Variants in PCDHA13 observed in about 807,000 individuals in gnomAD.
PCDHA13 encodes the protein protocadherin alpha-13.
A neutral mutation model predicts 64.8 loss-of-function variants in PCDHA13; 54 were observed. The observed-to-expected ratio is 0.83, with a 90% CI of 0.67 to 1.04. The LOEUF (loss-of-function observed/expected upper bound fraction) is 1.04, where lower values mean the gene tolerates loss of function less well. PCDHA13 is among the 50% of genes least tolerant of loss of function. The probability of loss-of-function intolerance (pLI) is 0.00; values close to 1 mark genes in which losing one functional copy is unlikely to be tolerated. For missense variants in PCDHA13, 1,248 were observed against 1,254.3 expected (o/e 0.99, Z 0.08); for synonymous variants, 587 against 564.4 (o/e 1.04, Z -0.57).
intron 1 of PCDHA13, among the ~76,000 whole-genome samples, chr5:140,926,076 T>C (rs2082906284): frequency 1.3e-5 from 2 of 152,204 alleles, no homozygotes; most frequent in Admixed American, 1.3e-4. Context: ...TCGTCTCTAT[T>C]GCCCTCTTGG....
chr5:140,966,516 G>A (rs967570115), intron 1 of PCDHA13: 27 of 436,614 alleles, frequency 6.2e-5, no homozygotes, highest in Admixed American at 4.4e-4. Flanking sequence ...GCAGCAGCAG[G>A]AAGCCGAGCC....
chr5:140,891,667 A>T (rs2153435107), intron 1 of PCDHA13, among the ~76,000 whole-genome samples: 1 of 152,286 alleles, frequency 6.6e-6, no homozygotes, highest in African/African-American at 2.4e-5. Flanking sequence ...CCCACCTTAA[A>T]GTTTAATAAT....
intron 1 of PCDHA13, among the ~76,000 whole-genome samples, chr5:140,955,070 G>A (rs755676357): frequency 2.2e-4 from 34 of 152,166 alleles, no homozygotes; most frequent in Non-Finnish European, 4.1e-4. Context: ...GTTTGTTGAA[G>A]ATCAGATGGT....
At chr5:140,902,594 A>G (rs1208012043) in intron 1 of PCDHA13, among the ~76,000 whole-genome samples, 1 of 152,112 alleles carries the variant, frequency 6.6e-6, no homozygotes, top group Non-Finnish European at 1.5e-5. Context: ...TTTGGGAAAC[A>G]GGTCGTTTTC....
Position 141,010,190 on chromosome 5 carries a change from C to G in PCDHA13, c.*253C>G. On this transcript the variant is annotated 3_prime_UTR_variant, in exon 4 of 4. Transcript: ENST00000289272. ...GAACCTAAAAAGCAGACCCAAGTTT[C>G]CTTTCTCCTCCGCCGCAAAGGAGAG... 1 of 1,552,504 alleles carries G rather than the reference C, an allele frequency of 6.4e-7. No individual in the cohort carries two copies. Among genetic ancestry groups the G allele is most frequent in the East Asian group, 2.4e-5 (1 of 40,930 alleles).
chr5:141,005,049 T>C (rs1248594838), intron 3 of PCDHA13, among the ~76,000 whole-genome samples: 6 of 152,264 alleles, frequency 3.9e-5, no homozygotes, highest in African/African-American at 1.4e-4. Context: ...TACCATTTAC[T>C]GAATTCTTGC....
At chr5:140,991,026 T>A (rs1003749305) in intron 3 of PCDHA13, among the ~76,000 whole-genome samples, 8 of 152,210 alleles carry the variant, frequency 5.3e-5, no homozygotes, top group Admixed American at 2.0e-4. Context: ...ACTTTACATA[T>A]GTTGCATACT....
chr5:140,950,865 T>C (rs1419138561), intron 1 of PCDHA13, among the ~76,000 whole-genome samples: 1 of 152,098 alleles, frequency 6.6e-6, no homozygotes, highest in Non-Finnish European at 1.5e-5. Context: ...TTCTTGTATA[T>C]TCTATATTGT....
At chr5:140,986,946 G>A (rs544796668) in intron 3 of PCDHA13, among the ~76,000 whole-genome samples, 9 of 152,230 alleles carry the variant, frequency 5.9e-5, no homozygotes, top group South Asian at 2.1e-4. Context: ...GGGTGTGGTC[G>A]CTCATGCCTG....
chr5:140,884,798 A>C, intron 1 of PCDHA13, 136 bp downstream of exon 1: 3 of 1,275,332 alleles, frequency 2.4e-6, no homozygotes, highest in Non-Finnish European at 3.2e-6. Flanking sequence ...TATCGAATTT[A>C]ACAACTCTGC....
At chr5:140,905,986 T>G (rs2072268646) in intron 1 of PCDHA13, among the ~76,000 whole-genome samples, 1 of 152,198 alleles carries the variant, frequency 6.6e-6, no homozygotes, top group Non-Finnish European at 1.5e-5. Flanking sequence ...GGGAGAAAGA[T>G]GTAGGCTGGG....
intron 1 of PCDHA13, among the ~76,000 whole-genome samples, chr5:140,973,346 T>C (rs1554235179): frequency 1.3e-5 from 2 of 152,198 alleles, no homozygotes; most frequent in Non-Finnish European, 2.9e-5. Flanking sequence ...AGTGACATAG[T>C]AGTGAATTTA....
At chr5:140,959,591 A>C (rs2095498403) in intron 1 of PCDHA13, among the ~76,000 whole-genome samples, 1 of 152,220 alleles carries the variant, frequency 6.6e-6, no homozygotes, top group African/African-American at 2.4e-5. Context: ...CTATCAGCCA[A>C]GTATAACATG....
At position 140,976,185 on chromosome 5, in the gene PCDHA13, A is replaced by G. The variant is rs545410193; in HGVS notation, c.2395-2764A>G. Among the ~76,000 whole-genome samples the G allele has an allele frequency of 4.6e-5, 7 of 152,340 alleles. No homozygotes were observed. The South Asian group carries it at 1.2e-3, about 27-fold the overall frequency. ...TTTAGTTTTGTATTGTTTTAAATCAATATCCTGGAAACTCAGAAGTAAAAA... is the reference window on the plus strand; with the variant it reads ...TTTAGTTTTGTATTGTTTTAAATCAGTATCCTGGAAACTCAGAAGTAAAAA... On this transcript the variant is annotated intron_variant, in intron 1 of 3. Coordinates refer to ENST00000289272, the MANE Select transcript of PCDHA13 (RefSeq NM_018904.3).
At chr5:140,967,051 G>T in intron 1 of PCDHA13, 12 of 1,612,562 alleles carry the variant, frequency 7.4e-6, no homozygotes, top group Non-Finnish European at 9.3e-6. Context: ...TGGACCTGAC[G>T]AGTGGAGCGC....
At chr5:140,984,693 A>G (rs1587034361) in intron 3 of PCDHA13, among the ~76,000 whole-genome samples, 1 of 152,264 alleles carries the variant, frequency 6.6e-6, no homozygotes, top group East Asian at 1.9e-4. Flanking sequence ...TATGTTCTGC[A>G]CTGCTTGGAG....
intron 1 of PCDHA13, among the ~76,000 whole-genome samples, chr5:140,941,542 C>T (rs782270560): frequency 4.0e-5 from 6 of 151,842 alleles, no homozygotes; most frequent in Non-Finnish European, 7.4e-5. Context: ...GTCTTGAACT[C>T]CTGACCTCGT....
intron 1 of PCDHA13, among the ~76,000 whole-genome samples, chr5:140,908,155 G>C (rs559304647): frequency 6.6e-6 from 1 of 152,194 alleles, no homozygotes; most frequent in Non-Finnish European, 1.5e-5. Context: ...TCCTAGGAAG[G>C]GGCTGTAGTG....
In PCDHA13 at chr5:141,010,661, C is replaced by T. The variant is rs1331706826; in HGVS notation, c.*724C>T. ...AACAGTTCAGTGTTTTAACAGAGAA[C>T]CACCCTGGGAAACAGAAGCAGATCT... On this transcript the variant is annotated 3_prime_UTR_variant, in exon 4 of 4. Transcript: ENST00000289272. 6.0e-6 allele frequency: 1 copy of T among 166,290 alleles called. No homozygotes were observed. Among genetic ancestry groups the T allele is most frequent in the Non-Finnish European group, 1.3e-5 (1 of 76,066 alleles). 10.3% of individuals were successfully genotyped at this position (166,290 alleles called of 1,614,324 possible).
Sources: gnomAD v4.1 joint callset for allele counts (sites outside exome capture counted in the v4.1 genomes callset) on GRCh38, gnomAD v4.1.1 for gene constraint, MANE v1.5 for transcripts, NCBI Gene and HGNC (gene_info 2026-07-23, HGNC 2026-07-21) for gene names.